The following ARHGAP42 variants were observed in gnomAD, a reference collection of about 807,000 sequenced individuals.
The protein encoded by ARHGAP42 is Rho GTPase activating protein 42.
ARHGAP42 carries 63 observed loss-of-function variants against 125.0 expected under a neutral mutation model. The observed-to-expected ratio is 0.50, with a 90% confidence interval of 0.41 to 0.62. The LOEUF is 0.62. Ranked by LOEUF, ARHGAP42 falls within the 20% of genes least tolerant of loss-of-function variation. The probability of loss-of-function intolerance (pLI) is 0.00; values close to 1 mark genes in which losing one functional copy is unlikely to be tolerated. For synonymous variants in ARHGAP42, 339 were observed against 351.0 expected, an observed-to-expected ratio of 0.97 and a Z score of 0.38; for missense variants, 766 against 1,024.2, an observed-to-expected ratio of 0.75 and a Z score of 3.44.
At chr11:100,810,443 G>A (rs192779738) in intron 3 of ARHGAP42, among the ~76,000 whole-genome samples, 146 of 152,220 alleles carry the variant, frequency 9.6e-4, no homozygotes, top group Non-Finnish European at 1.7e-3. Flanking sequence ...TGTGGCCACC[G>A]TATGAAAACC....
chr11:100,696,748 T>C (rs1189961023), intron 1 of ARHGAP42, among the ~76,000 whole-genome samples: 2 of 152,014 alleles, frequency 1.3e-5, no homozygotes, highest in African/African-American at 2.4e-5. Context: ...AAGATCATAG[T>C]GCACTACCGC....
At chr11:100,702,796 C>G (rs868105248) in intron 1 of ARHGAP42, among the ~76,000 whole-genome samples, 7 of 151,826 alleles carry the variant, frequency 4.6e-5, no homozygotes, top group Non-Finnish European at 8.8e-5. Flanking sequence ...CTCAGCCTCC[C>G]GAGTAGCTGG....
At chr11:100,940,196 G>A (rs541455426) in intron 8 of ARHGAP42, among the ~76,000 whole-genome samples, 111 of 152,180 alleles carry the variant, frequency 7.3e-4, no homozygotes, top group Non-Finnish European at 1.2e-3. Flanking sequence ...GATACCGAGG[G>A]CATTATTATT....
chr11:100,868,333 G>A (rs939098600), intron 4 of ARHGAP42, among the ~76,000 whole-genome samples: 4 of 152,134 alleles, frequency 2.6e-5, no homozygotes, highest in African/African-American at 9.7e-5. Flanking sequence ...ATATAAGGTT[G>A]CAGAATTATT....
chr11:100,940,558 C>T (rs1007126965), intron 8 of ARHGAP42, among the ~76,000 whole-genome samples: 1 of 152,120 alleles, frequency 6.6e-6, no homozygotes, highest in Admixed American at 6.6e-5. Context: ...TGGACAATAA[C>T]ATGGGTGCTA....
intron 1 of ARHGAP42, among the ~76,000 whole-genome samples, chr11:100,748,379 G>A (rs1472418654): frequency 2.0e-5 from 3 of 148,090 alleles, no homozygotes; most frequent in South Asian, 4.2e-4. Context: ...TCAATCACCC[G>A]ACTGTCCTGA....
At chr11:100,786,150 T>G (rs564426931) in intron 2 of ARHGAP42, among the ~76,000 whole-genome samples, 1 of 152,312 alleles carries the variant, frequency 6.6e-6, no homozygotes, top group African/African-American at 2.4e-5. Context: ...GAAAATGGTT[T>G]CTGAATTGGG....
At chr11:100,942,701 C>T (rs182329257) in intron 9 of ARHGAP42, among the ~76,000 whole-genome samples, 3 of 152,222 alleles carry the variant, frequency 2.0e-5, no homozygotes, top group Non-Finnish European at 2.9e-5. Flanking sequence ...CTAACTTAGA[C>T]ACATACTCAA....
At chr11:100,712,201 C>G (rs887634903) in intron 1 of ARHGAP42, among the ~76,000 whole-genome samples, 3 of 152,138 alleles carry the variant, frequency 2.0e-5, no homozygotes, top group Non-Finnish European at 4.4e-5. Context: ...CACAGCACCC[C>G]TTTGAGTTCG....
intron 4 of ARHGAP42, among the ~76,000 whole-genome samples, chr11:100,885,630 A>G (rs1866073043): frequency 6.6e-6 from 1 of 152,178 alleles, no homozygotes; most frequent in South Asian, 2.1e-4. Context: ...TTGAAAATTT[A>G]TTTATCATGT....
chr11:100,896,475 A>G (rs1310448059), intron 4 of ARHGAP42, among the ~76,000 whole-genome samples: 1 of 152,116 alleles, frequency 6.6e-6, no homozygotes, highest in Non-Finnish European at 1.5e-5. Context: ...AAGCTTTCCT[A>G]TTTCTCCACA....
In ARHGAP42 at chr11:100,972,531, G is replaced by GATGT. The variant is rs1396161167; in HGVS notation, c.1551-641_1551-640insTATG. On this transcript the variant is annotated intron_variant, in intron 17 of 23. Coordinates refer to ENST00000298815, the MANE Select transcript of ARHGAP42 (RefSeq NM_152432.4). ...CAGGGAAGTTTTGGATGGATGGATG[G>GATGT]ATGGATGGATGGATGGAAAGAGGAA... Among the ~76,000 whole-genome samples, 11 of 152,150 alleles carry GATGT rather than the reference G, an allele frequency of 7.2e-5. 1 individual carries two copies. In the East Asian group the frequency reaches 2.1e-3, roughly 30 times the overall value.
intron 1 of ARHGAP42, among the ~76,000 whole-genome samples, chr11:100,688,996 G>A (rs200926931): frequency 1.3e-5 from 2 of 152,134 alleles, no homozygotes; most frequent in South Asian, 2.1e-4. Flanking sequence ...TACTAGTATC[G>A]GATCTATATT....
At chr11:100,772,235 C>T (rs903628087) in intron 2 of ARHGAP42, among the ~76,000 whole-genome samples, 6 of 152,230 alleles carry the variant, frequency 3.9e-5, no homozygotes, top group Non-Finnish European at 5.9e-5. Flanking sequence ...GAATGAATTT[C>T]AGCTTCATTG....
chr11:100,961,865 T>G (rs1327519352), intron 15 of ARHGAP42, 97 bp downstream of exon 15: 1 of 953,674 alleles, frequency 1.0e-6, no homozygotes, highest in Non-Finnish European at 1.6e-6. Context: ...TCCAGAAGCT[T>G]CACTCAGTAG....
rs1866931097 is a variant in ARHGAP42 at position 100,911,912 on chromosome 11, C to T, written c.385-1540C>T. 3.3e-5 allele frequency among the ~76,000 whole-genome samples: 5 copies of T among 152,088 alleles called. No individual in the cohort carries two copies. The South Asian group carries it at 8.3e-4, about 25-fold the overall frequency. ...GAATAGTTTGATTTATTCCCTTCCC[C>T]CCATTTATAGATGGTAATATTTTAA... On this transcript the variant is annotated intron_variant, in intron 4 of 23. Coordinates refer to ENST00000298815, the MANE Select transcript of ARHGAP42 (RefSeq NM_152432.4).
intron 1 of ARHGAP42, among the ~76,000 whole-genome samples, chr11:100,708,995 A>G (rs1248899726): frequency 6.6e-6 from 1 of 152,170 alleles, no homozygotes; most frequent in Non-Finnish European, 1.5e-5. Flanking sequence ...ACCTTGTACT[A>G]TACTCACCTT....
At chr11:100,795,815 G>T (rs1051934724) in intron 3 of ARHGAP42, among the ~76,000 whole-genome samples, 1 of 152,168 alleles carries the variant, frequency 6.6e-6, no homozygotes, top group Non-Finnish European at 1.5e-5. Context: ...ATATCCCACA[G>T]GATTGTTGGA....
intron 1 of ARHGAP42, among the ~76,000 whole-genome samples, chr11:100,738,931 A>G (rs1003330362): frequency 6.6e-6 from 1 of 152,220 alleles, no homozygotes; most frequent in Non-Finnish European, 1.5e-5. Context: ...AGCAATCAGG[A>G]GGCCACTCCT....
Sources: gnomAD v4.1 joint callset for allele counts (sites outside exome capture counted in the v4.1 genomes callset) on GRCh38, gnomAD v4.1.1 for gene constraint, MANE v1.5 for transcripts, NCBI Gene and HGNC (gene_info 2026-07-23, HGNC 2026-07-21) for gene names.